Variants in COL19A1 observed in about 807,000 individuals in gnomAD.
COL19A1 encodes the protein collagen type XIX alpha 1 chain.
Under a neutral mutation model 190.2 loss-of-function variants are expected in COL19A1, and 159 were observed. The observed-to-expected ratio is 0.84, with a 90% CI of 0.73 to 0.95. The LOEUF is 0.95. Among genes scored for constraint, COL19A1 ranks in the 40% least tolerant of loss-of-function variants. The pLI is 0.00. For synonymous variants in COL19A1, 509 were observed against 458.9 expected, an observed-to-expected ratio of 1.11 and a Z score of -1.39; for missense variants, 1,418 against 1,431.9, an observed-to-expected ratio of 0.99 and a Z score of 0.16.
chr6:69,971,657 C>T (rs188988729), intron 11 of COL19A1, among the ~76,000 whole-genome samples: 1 of 152,318 alleles, frequency 6.6e-6, no homozygotes, highest in Admixed American at 6.5e-5. Context: ...AAATGTCAGA[C>T]TTTAGGCCAT....
intron 11 of COL19A1, among the ~76,000 whole-genome samples, chr6:70,009,690 C>T (rs1221605389): frequency 7.2e-6 from 1 of 138,704 alleles, no homozygotes; most frequent in Admixed American, 6.8e-5. Flanking sequence ...CTGATTTCAA[C>T]ATTTATCATA....
chr6:70,008,879 T>C (rs1466000283), intron 11 of COL19A1, among the ~76,000 whole-genome samples: 1 of 151,942 alleles, frequency 6.6e-6, no homozygotes, highest in African/African-American at 2.4e-5. Context: ...ATTTGAAAAT[T>C]TGTTGATGTC....
chr6:70,096,084 A>ATTT (rs70987498), intron 15 of COL19A1, among the ~76,000 whole-genome samples: 18,548 of 141,174 alleles, frequency 0.13, 1,592 homozygotes, highest in South Asian at 0.26. Flanking sequence ...CGGTAACTCT[A>ATTT]TTTTTTTTTT....
intron 48 of COL19A1, among the ~76,000 whole-genome samples, chr6:70,194,389 C>A (rs144316941): frequency 6.6e-6 from 1 of 152,164 alleles, no homozygotes; most frequent in East Asian, 1.9e-4. Context: ...GGCCACCTAA[C>A]CTCCCTTCAA....
intron 23 of COL19A1, among the ~76,000 whole-genome samples, chr6:70,143,527 A>T (rs1377179012): frequency 1.3e-5 from 2 of 151,906 alleles, no homozygotes; most frequent in African/African-American, 2.4e-5. Context: ...CCTCCAGGCA[A>T]CTCTTAGGAT....
intron 39 of COL19A1, 142 bp downstream of exon 39, chr6:70,168,357 C>T (rs906959414): frequency 2.4e-6 from 2 of 821,094 alleles, no homozygotes; most frequent in African/African-American, 3.5e-5. Flanking sequence ...TAAGTAAAAC[C>T]AATTATAATA....
In COL19A1 at chr6:70,172,683, CATG is replaced by C. The variant is rs1331019517; in HGVS notation, c.2622+669_2622+671del. Reference sequence around the variant, plus strand: ...ATGTGATGGTAGAATTATCTTTGTTCATGATATGTTAGAAAATAAATAAAAGAT... The same window carrying C: ...ATGTGATGGTAGAATTATCTTTGTTCATATGTTAGAAAATAAATAAAAGAT... On this transcript the variant is annotated intron_variant, in intron 41 of 50. Coordinates refer to ENST00000620364, the MANE Select transcript of COL19A1 (RefSeq NM_001858.6). Among the ~76,000 whole-genome samples the C allele has an allele frequency of 1.3e-4, 20 of 152,286 alleles. No individual in the cohort carries two copies. In the South Asian group the frequency reaches 3.1e-3, roughly 24 times the overall value.
chr6:70,125,044 A>G (rs902546253), intron 17 of COL19A1, among the ~76,000 whole-genome samples: 1 of 152,086 alleles, frequency 6.6e-6, no homozygotes, highest in African/African-American at 2.4e-5. Flanking sequence ...AGCACGATGC[A>G]TGTTTTCCAT....
chr6:69,907,650 T>G (rs1248838981), intron 4 of COL19A1, among the ~76,000 whole-genome samples: 2 of 152,248 alleles, frequency 1.3e-5, no homozygotes, highest in Non-Finnish European at 2.9e-5. Flanking sequence ...GTTAAGATTT[T>G]GTGTTTTATT....
chr6:70,102,608 A>T (rs1183099705), intron 16 of COL19A1, among the ~76,000 whole-genome samples: 2 of 152,212 alleles, frequency 1.3e-5, no homozygotes, highest in Non-Finnish European at 2.9e-5. Context: ...CTGGGGAAGC[A>T]TATCCACTTT....
At chr6:70,089,199 T>A (rs2150173018) in intron 15 of COL19A1, among the ~76,000 whole-genome samples, 1 of 152,288 alleles carries the variant, frequency 6.6e-6, no homozygotes, top group African/African-American at 2.4e-5. Flanking sequence ...TAAAAATACT[T>A]TATTATGTGT....
intron 9 of COL19A1, among the ~76,000 whole-genome samples, chr6:69,955,577 A>AAG (rs1343942216): frequency 3.3e-5 from 3 of 91,622 alleles, no homozygotes; most frequent in East Asian, 3.3e-4. Context: ...AAGAGAGAGA[A>AAG]AGAGAGAGAG....
intron 27 of COL19A1, among the ~76,000 whole-genome samples, chr6:70,147,834 G>A (rs1018517639): frequency 5.9e-5 from 9 of 152,126 alleles, no homozygotes; most frequent in Non-Finnish European, 1.5e-5. Context: ...CATGACTTCT[G>A]TCCAACCAGC....
intron 49 of COL19A1, among the ~76,000 whole-genome samples, chr6:70,203,189 T>C (rs1029483156): frequency 2.0e-5 from 3 of 152,158 alleles, no homozygotes; most frequent in Non-Finnish European, 2.9e-5. Context: ...CAGCTGATTC[T>C]CCATCACCTA....
chr6:70,176,576 T>C lies in COL19A1; in HGVS notation c.2667+12T>C. 1 of 1,612,356 alleles carries C rather than the reference T, an allele frequency of 6.2e-7. No individual in the cohort carries two copies. Among genetic ancestry groups the C allele is most frequent in the Non-Finnish European group, 8.5e-7 (1 of 1,179,246 alleles). ...TAGCAGGGATGTCGGTGAGTTCAGA[T>C]TACTTCACATCATTTTCACAGGTAA... On this transcript the variant is annotated intron_variant, in intron 42 of 50. Transcript: ENST00000620364.
At chr6:70,130,335 C>G (rs1785449058) in intron 18 of COL19A1, 112 bp downstream of exon 18, 1 of 775,116 alleles carries the variant, frequency 1.3e-6, no homozygotes, top group South Asian at 1.8e-5. Context: ...AAGTGATTCT[C>G]CTGCCTCAGC....
intron 11 of COL19A1, among the ~76,000 whole-genome samples, chr6:69,997,026 T>G (rs181821276): frequency 0.015 from 2,134 of 146,960 alleles, 27 homozygotes; most frequent in South Asian, 0.022. Flanking sequence ...TATATATATA[T>G]AGAGAGAGAG....
At chr6:70,087,317 G>T (rs1198151452) in intron 15 of COL19A1, among the ~76,000 whole-genome samples, 1 of 152,156 alleles carries the variant, frequency 6.6e-6, no homozygotes, top group Non-Finnish European at 1.5e-5. Flanking sequence ...GCAGTGTTGT[G>T]TGGAAGTCAG....
chr6:69,872,569 G>T (rs905675001), intron 1 of COL19A1, among the ~76,000 whole-genome samples: 1 of 152,114 alleles, frequency 6.6e-6, no homozygotes, highest in African/African-American at 2.4e-5. Flanking sequence ...GATTTCAAGA[G>T]CTAGATTAAG....
Sources: gnomAD v4.1 joint callset for allele counts (sites outside exome capture counted in the v4.1 genomes callset) on GRCh38, gnomAD v4.1.1 for gene constraint, MANE v1.5 for transcripts, NCBI Gene and HGNC (gene_info 2026-07-23, HGNC 2026-07-21) for gene names.